The following CUL3 variants were observed in gnomAD, a reference collection of about 807,000 sequenced individuals.
CUL3 encodes cullin 3, also known as cullin-3.
A neutral mutation model predicts 89.1 loss-of-function variants in CUL3; 19 were observed. The observed-to-expected ratio is 0.21, with a 90% CI of 0.15 to 0.31. CUL3 has a LOEUF of 0.31. Ranked by LOEUF, CUL3 falls within the 10% of genes least tolerant of loss-of-function variation. The probability of loss-of-function intolerance (pLI) is 1.00; values close to 1 mark genes in which losing one functional copy is unlikely to be tolerated. For synonymous variants in CUL3, 351 were observed against 308.4 expected, an observed-to-expected ratio of 1.14 and a Z score of -1.45; for missense variants, 469 against 942.3, an observed-to-expected ratio of 0.50 and a Z score of 6.58.
chr2:224,546,673 G>GC (rs34113288), intron 2 of CUL3, among the ~76,000 whole-genome samples: 14,616 of 151,688 alleles, frequency 0.096, 929 homozygotes, highest in East Asian at 0.27. Flanking sequence ...AGGATGGGGG[G>GC]GGGTACTTGC....
At chr2:224,536,409 C>A (rs113533996) in intron 2 of CUL3, among the ~76,000 whole-genome samples, 2,417 of 146,264 alleles carry the variant, frequency 0.017, 35 homozygotes, top group Non-Finnish European at 0.021. Context: ...TACTTCTTCA[C>A]CATACAATTT....
At chr2:224,496,140 C>T (rs1470712587) in intron 12 of CUL3, among the ~76,000 whole-genome samples, 174 bp from the exon 13 acceptor site, 1 of 152,202 alleles carries the variant, frequency 6.6e-6, no homozygotes, top group Non-Finnish European at 1.5e-5. Flanking sequence ...AAGCAATCCT[C>T]CTACCTTAGC....
chr2:224,499,153 T>C (rs1161096114), intron 11 of CUL3, among the ~76,000 whole-genome samples: 1 of 152,220 alleles, frequency 6.6e-6, no homozygotes, highest in Non-Finnish European at 1.5e-5. Flanking sequence ...TTATTTCTGA[T>C]ACAAATCACA....
At chr2:224,569,870 T>C (rs1695142911) in intron 1 of CUL3, 10 of 942,226 alleles carry the variant, frequency 1.1e-5, no homozygotes, top group Non-Finnish European at 1.3e-5. Flanking sequence ...GGGTGAGAAT[T>C]TGAAATTCCA....
At chr2:224,534,963 T>G (rs924580845) in intron 3 of CUL3, among the ~76,000 whole-genome samples, 1 of 151,372 alleles carries the variant, frequency 6.6e-6, no homozygotes, top group African/African-American at 2.4e-5. Context: ...ATCATGCCAC[T>G]GCACTCCAGC....
At chr2:224,482,553 G>A (rs3820763) in intron 13 of CUL3, among the ~76,000 whole-genome samples, 113,244 of 151,672 alleles carry the variant, frequency 0.75, 42,867 homozygotes, top group African/African-American at 0.89. Flanking sequence ...TTACCATCCA[G>A]ACTGACCATA....
At chr2:224,537,352 A>C (rs1234686341) in intron 2 of CUL3, among the ~76,000 whole-genome samples, 1 of 152,178 alleles carries the variant, frequency 6.6e-6, no homozygotes, top group African/African-American at 2.4e-5. Flanking sequence ...ATACAGTATA[A>C]AAATCACTAG....
In CUL3 at chr2:224,516,367, A is replaced by AG. The variant is rs528117523; in HGVS notation, c.379-1596dup. 6.2e-4 allele frequency among the ~76,000 whole-genome samples: 86 copies of AG among 137,734 alleles called. 2 individuals are homozygous for AG. Among genetic ancestry groups the AG allele is most frequent in the African/African-American group, 2.3e-3 (81 of 35,712 alleles). The allele number at this position is 137,734 out of a possible 152,430, so 90.4% of individuals were successfully genotyped here. A position where few individuals can be genotyped will look rare whatever the true frequency, so the allele number is the denominator to read the frequency against. ...GGGTGTCGCTCTGTCACCAGGCTGG[A>AG]GTGCAGTGGCGTGACCTTGGCTCAC... On this transcript the variant is annotated intron_variant, in intron 3 of 15. Coordinates refer to ENST00000264414, the MANE Select transcript of CUL3 (RefSeq NM_003590.5).
At chr2:224,540,751 A>G (rs922664550) in intron 2 of CUL3, among the ~76,000 whole-genome samples, 7 of 152,148 alleles carry the variant, frequency 4.6e-5, no homozygotes, top group African/African-American at 1.4e-4. Flanking sequence ...TTACATAGGT[A>G]TATGTGTGCC....
intron 1 of CUL3, among the ~76,000 whole-genome samples, chr2:224,577,139 T>G (rs1021307024): frequency 6.6e-6 from 1 of 152,250 alleles, no homozygotes; most frequent in African/African-American, 2.4e-5. Flanking sequence ...GGTATAATAA[T>G]AGTTAACTAT....
At chr2:224,500,830 G>A (rs1574632516) in intron 10 of CUL3, among the ~76,000 whole-genome samples, 2 of 151,894 alleles carry the variant, frequency 1.3e-5, no homozygotes, top group South Asian at 2.1e-4. Flanking sequence ...CTCCATGTTG[G>A]TCAGGCTGGT....
chr2:224,494,760 G>A (rs550665389), intron 13 of CUL3, among the ~76,000 whole-genome samples: 63 of 152,160 alleles, frequency 4.1e-4, no homozygotes, highest in African/African-American at 5.8e-4. Context: ...AAAATTCATC[G>A]TAGACATACA....
intron 1 of CUL3, among the ~76,000 whole-genome samples, chr2:224,573,914 G>C (rs546258714): frequency 6.6e-5 from 10 of 152,236 alleles, no homozygotes; most frequent in African/African-American, 2.2e-4. Context: ...CATTCAACAA[G>C]TTGTCACTAA....
At chr2:224,549,768 C>T (rs1348802555) in intron 2 of CUL3, among the ~76,000 whole-genome samples, 1 of 152,140 alleles carries the variant, frequency 6.6e-6, no homozygotes, top group African/African-American at 2.4e-5. Flanking sequence ...TGGCTCCACC[C>T]TTAACATGCC....
intron 14 of CUL3, chr2:224,479,545 G>C (rs1028275353): frequency 6.6e-6 from 1 of 152,094 alleles, no homozygotes; most frequent in African/African-American, 2.4e-5. Flanking sequence ...AGATATAAAA[G>C]AAATTTTTGA....
chr2:224,579,680 C>T (rs1209277116), intron 1 of CUL3, among the ~76,000 whole-genome samples: 1 of 152,172 alleles, frequency 6.6e-6, no homozygotes, highest in African/African-American at 2.4e-5. Flanking sequence ...GGCATTTTAT[C>T]ATAACACTCT....
chr2:224,486,968 A>G (rs998085484), intron 13 of CUL3, among the ~76,000 whole-genome samples: 1 of 152,252 alleles, frequency 6.6e-6, no homozygotes, highest in Non-Finnish European at 1.5e-5. Context: ...ATATTCAACA[A>G]TCTTAAAGAG....
At position 224,577,026 on chromosome 2, in the gene CUL3, C is replaced by T. The variant is rs533701102; in HGVS notation, c.66+7918G>A. Among the ~76,000 whole-genome samples, 4 of 152,202 alleles carry T rather than the reference C, an allele frequency of 2.6e-5. No homozygotes were observed. In the East Asian group the frequency reaches 7.7e-4, roughly 29 times the overall value. Reference sequence around the variant, plus strand: ...CAAAACTTAAGTTCTAGAAGTTGTACAATAAAATGACAGGATCGCTAAAAT... The same window carrying T: ...CAAAACTTAAGTTCTAGAAGTTGTATAATAAAATGACAGGATCGCTAAAAT... On this transcript the variant is annotated intron_variant, in intron 1 of 15. Coordinates refer to ENST00000264414, the MANE Select transcript of CUL3 (RefSeq NM_003590.5).
At chr2:224,582,571 T>A (rs115386832) in intron 1 of CUL3, among the ~76,000 whole-genome samples, 468 of 152,352 alleles carry the variant, frequency 3.1e-3, no homozygotes, top group African/African-American at 0.011. Context: ...ATACCAAAAC[T>A]AGTCACTTAC....
Sources: allele counts gnomAD v4.1 joint callset (sites outside exome capture counted in the v4.1 genomes callset), GRCh38; gene constraint gnomAD v4.1.1; transcripts MANE v1.5; gene names NCBI Gene and HGNC (gene_info 2026-07-23, HGNC 2026-07-21).